PHACTR2: variants seen among roughly 807,000 people sequenced by gnomAD.
PHACTR2 encodes the protein phosphatase and actin regulator 2, also known as chromosome 6 open reading frame 56.
PHACTR2 carries 30 observed loss-of-function variants against 76.0 expected under a neutral mutation model. The observed-to-expected ratio is 0.39, with a 90% CI of 0.30 to 0.54. The LOEUF (loss-of-function observed/expected upper bound fraction) is 0.54, where lower values mean the gene tolerates loss of function less well. PHACTR2 is among the 20% of genes least tolerant of loss of function. The pLI, the probability that PHACTR2 is intolerant of heterozygous loss-of-function variation, is 0.61. For missense variants in PHACTR2, 696 were observed against 781.1 expected (o/e 0.89, Z 1.30); for synonymous variants, 292 against 292.5 (o/e 1.00, Z 0.02).
At position 143,753,706 on chromosome 6, in the gene PHACTR2, T is replaced by G. The variant is rs776107238; in HGVS notation, c.296-48T>G. On this transcript the variant is annotated intron_variant, in intron 3 of 12. Coordinates refer to ENST00000440869, the MANE Select transcript of PHACTR2 (RefSeq NM_001100164.2). This position sits in a 1 kb window ranked among gnomAD's most constrained non-coding sequence, Gnocchi z 4.6. ...TCCTAGTAACTGGAAAACTTGTTTT[T>G]AAGAAAGCCAGCAAGTTAGACATCT... The G allele has an allele frequency of 3.5e-6, 5 of 1,442,458 alleles. No individual in the cohort carries two copies. Among genetic ancestry groups the G allele is most frequent in the Non-Finnish European group, 4.7e-6 (5 of 1,064,432 alleles). 89.4% of individuals were successfully genotyped at this position (1,442,458 alleles called of 1,614,324 possible). A position where few individuals can be genotyped will look rare whatever the true frequency, so the allele number is the denominator to read the frequency against.
chr6:143,625,418 T>C lies in PHACTR2; in HGVS notation c.13+17096T>C, dbSNP rs1409225314. ...TATTAGTTATTTATAACTTAATCTT[T>C]ATAAGCAAATATTATTTATAACTTA... On this transcript the variant is annotated intron_variant, in intron 1 of 11. Coordinates refer to the PHACTR2 transcript ENST00000305766. The surrounding 1 kb of genome is among the most constrained non-coding windows in gnomAD (Gnocchi z 4.3). Among the ~76,000 whole-genome samples the C allele has an allele frequency of 6.6e-6, 1 of 152,188 alleles. No individual in the cohort carries two copies. Among genetic ancestry groups the C allele is most frequent in the Non-Finnish European group, 1.5e-5 (1 of 68,026 alleles).
rs987009693 is a variant in PHACTR2, at chr6:143,777,913, T to A, written c.1645+530T>A. Among the ~76,000 whole-genome samples the A allele has an allele frequency of 1.3e-5, 2 of 152,250 alleles. No individual in the cohort carries two copies. Among genetic ancestry groups the A allele is most frequent in the African/African-American group, 4.8e-5 (2 of 41,468 alleles). ...ATAATTTCTCAGCACTAAAACGTTC[T>A]CCATTCATTTTCCTACTTTATTTTC... On this transcript the variant is annotated intron_variant, in intron 9 of 12. Transcript: ENST00000440869. This position sits in a 1 kb window ranked among gnomAD's most constrained non-coding sequence, Gnocchi z 4.6.
Position 143,683,147 on chromosome 6 carries a change from C to T in PHACTR2, c.46+4938C>T, listed in dbSNP as rs1235893648. ...CTAAGTACAGGCTAAAACGATATGC[C>T]CTCAAATAGGATGGTTTCGGTACCC... is the stretch of plus-strand genomic sequence containing the variant. On this transcript the variant is annotated intron_variant, in intron 1 of 12. Coordinates refer to ENST00000440869, the MANE Select transcript of PHACTR2 (RefSeq NM_001100164.2). The surrounding 1 kb of genome is among the most constrained non-coding windows in gnomAD (Gnocchi z 4.1). Among the ~76,000 whole-genome samples, 1 of 152,102 alleles carries T rather than the reference C, an allele frequency of 6.6e-6. No homozygotes were observed. Among genetic ancestry groups the T allele is most frequent in the African/African-American group, 2.4e-5 (1 of 41,396 alleles).
Position 143,576,199 on chromosome 6 carries a change from C to G in PHACTR2, c.217+38992C>G, listed in dbSNP as rs1043576585. ...TAGAATTTGCGATCCAAGCCTGAAT[C>G]CTTTAATTACCTTTGAGTTATATAA... is the stretch of plus-strand genomic sequence containing the variant. On this transcript the variant is annotated intron_variant, in intron 1 of 11. Transcript: ENST00000367584. Among the ~76,000 whole-genome samples, 7 of 152,204 alleles carry G rather than the reference C, an allele frequency of 4.6e-5. 1 individual carries two copies. Among genetic ancestry groups the G allele is most frequent in the Non-Finnish European group, 1.5e-5 (1 of 68,038 alleles).
Position 143,794,658 on chromosome 6 carries a change from G to A in PHACTR2, c.1845+5748G>A, listed in dbSNP as rs1346209291. ...AAAATACAAAAATTAGCTGTGCATG[G>A]TGGCTCCTGCCTGTAGTCCCAGCTG... On this transcript the variant is annotated intron_variant, in intron 11 of 12. Transcript: ENST00000440869. This position sits in a 1 kb window ranked among gnomAD's most constrained non-coding sequence, Gnocchi z 4.1. Among the ~76,000 whole-genome samples, 1 of 152,082 alleles carries A rather than the reference G, an allele frequency of 6.6e-6. No homozygotes were observed. Among genetic ancestry groups the A allele is most frequent in the African/African-American group, 2.4e-5 (1 of 41,406 alleles).
Position 143,618,287 on chromosome 6 carries a change from G to GCGCA in PHACTR2, c.13+9966_13+9967insGCAC, listed in dbSNP as rs1554215164. On this transcript the variant is annotated intron_variant, in intron 1 of 11. Coordinates refer to the PHACTR2 transcript ENST00000305766. This position sits in a 1 kb window ranked among gnomAD's most constrained non-coding sequence, Gnocchi z 5.2. Reference sequence around the variant, plus strand: ...CACACACACACACACACACACACACGCACACTCCAGAATGAGTTTCAGATC... The same window carrying GCGCA: ...CACACACACACACACACACACACACGCGCACACACTCCAGAATGAGTTTCAGATC... 1.5e-5 allele frequency among the ~76,000 whole-genome samples: 2 copies of GCGCA among 133,692 alleles called. No individual in the cohort carries two copies. The highest frequency in any genetic ancestry group is 3.2e-5 in the Non-Finnish European group (2 of 61,612). 87.7% of individuals were successfully genotyped at this position (133,692 alleles called of 152,430 possible).
In PHACTR2 at chr6:143,765,528, C is replaced by T. The variant is rs200977430; in HGVS notation, c.962C>T (p.Pro321Leu). Residue 321 changes from proline (P) to leucine (L), a missense_variant, in exon 6 of 13, where the codon CCT becomes CTT. Physicochemically the swap from Pro to Leu is moderately conservative, Grantham distance 98 (BLOSUM62 -3). Transcript: ENST00000440869. This position sits in a 1 kb window ranked among gnomAD's most constrained non-coding sequence, Gnocchi z 4.1. ...VESFKLEQTV[P>L]GAEEQNTGKF... ...AGTTTCAAACTCGAACAGACTGTCCCTGGAGCTGAGGAGCAGAACACAGGC... is the reference window on the plus strand; with the variant it reads ...AGTTTCAAACTCGAACAGACTGTCCTTGGAGCTGAGGAGCAGAACACAGGC... The T allele has an allele frequency of 8.4e-5, 135 of 1,614,202 alleles. No homozygotes were observed. The African/African-American group carries it at 1.6e-3, about 19-fold the overall frequency.
chr6:143,563,370 C>T (rs1389078024), intron 1 of PHACTR2, among the ~76,000 whole-genome samples: 1 of 147,864 alleles, frequency 6.8e-6, no homozygotes, highest in Non-Finnish European at 1.5e-5. Flanking sequence ...CGAGACCATC[C>T]TTGCGAACAT....
rs1781133361 is a variant in PHACTR2, at chr6:143,537,888, C to A, written c.217+681C>A. ...TGGGAGGCCCAAGGCCGGCCGATCA[C>A]TTGAGGTCAAAAGTTCGAGACCGGC... On this transcript the variant is annotated intron_variant, in intron 1 of 11. Transcript: ENST00000367584. The surrounding 1 kb of genome is among the most constrained non-coding windows in gnomAD (Gnocchi z 4.4). 6.6e-6 allele frequency among the ~76,000 whole-genome samples: 1 copy of A among 152,216 alleles called. No individual in the cohort carries two copies. The highest frequency in any genetic ancestry group is 6.5e-5 in the Admixed American group (1 of 15,290).
rs1002658510 is a variant in PHACTR2 at position 143,739,479 on chromosome 6, G to C, written c.215-9506G>C. Reference sequence around the variant, plus strand: ...ATTTCAAACATTGGTCCCCTCTGTGGTGTCACTGTGTCTTAGGTTTACCAT... The same window carrying C: ...ATTTCAAACATTGGTCCCCTCTGTGCTGTCACTGTGTCTTAGGTTTACCAT... On this transcript the variant is annotated intron_variant, in intron 2 of 12. Coordinates refer to ENST00000440869, the MANE Select transcript of PHACTR2 (RefSeq NM_001100164.2). This position sits in a 1 kb window ranked among gnomAD's most constrained non-coding sequence, Gnocchi z 4.3. 1.3e-5 allele frequency among the ~76,000 whole-genome samples: 2 copies of C among 152,186 alleles called. No individual in the cohort carries two copies. Among genetic ancestry groups the C allele is most frequent in the African/African-American group, 4.8e-5 (2 of 41,428 alleles).
chr6:143,649,844 G>A (rs1365038874), intron 1 of PHACTR2, among the ~76,000 whole-genome samples: 1 of 152,146 alleles, frequency 6.6e-6, no homozygotes, highest in Non-Finnish European at 1.5e-5. Flanking sequence ...TCTGGTCAGG[G>A]CAATCAGGCA....
chr6:143,692,124 G>A (rs151118975), intron 1 of PHACTR2, among the ~76,000 whole-genome samples: 12 of 152,260 alleles, frequency 7.9e-5, no homozygotes, highest in African/African-American at 2.9e-4. Context: ...AGGTGTTTCA[G>A]GGTGTGCTGA....
chr6:143,764,364 C>T lies in PHACTR2; in HGVS notation c.695-897C>T, dbSNP rs1779505792. On this transcript the variant is annotated intron_variant, in intron 5 of 12. Coordinates refer to ENST00000440869, the MANE Select transcript of PHACTR2 (RefSeq NM_001100164.2). The surrounding 1 kb of genome is among the most constrained non-coding windows in gnomAD (Gnocchi z 4.7). The stretch of plus-strand genomic sequence containing the variant: ...ACAAAACCCTGTCTCAACAAAAATA[C>T]ATTAAAGTTAGCCAGGCATGGTGGT... Among the ~76,000 whole-genome samples the T allele has an allele frequency of 6.6e-6, 1 of 151,906 alleles. No homozygotes were observed. Among genetic ancestry groups the T allele is most frequent in the African/African-American group, 2.4e-5 (1 of 41,338 alleles).
At chr6:143,632,274 T>C (rs1776375368) in intron 1 of PHACTR2, among the ~76,000 whole-genome samples, 5 of 152,216 alleles carry the variant, frequency 3.3e-5, no homozygotes, top group Admixed American at 2.6e-4. Context: ...CTGCTTCTAT[T>C]TGGGGAAGAA....
intron 1 of PHACTR2, among the ~76,000 whole-genome samples, chr6:143,551,490 A>G (rs981503347): frequency 3.3e-5 from 5 of 152,164 alleles, no homozygotes; most frequent in Admixed American, 1.3e-4. Context: ...TTCATTTCTC[A>G]GTGTCTGTTG....
intron 1 of PHACTR2, among the ~76,000 whole-genome samples, chr6:143,567,585 G>C (rs1401472039): frequency 1.3e-5 from 2 of 152,180 alleles, no homozygotes; most frequent in Non-Finnish European, 2.9e-5. Flanking sequence ...TTTTAATAGA[G>C]ACAGGGTTTC....
chr6:143,626,872 C>G (rs936019010), intron 1 of PHACTR2, among the ~76,000 whole-genome samples: 5 of 152,150 alleles, frequency 3.3e-5, no homozygotes, highest in African/African-American at 1.2e-4. Flanking sequence ...TCACATTGAG[C>G]AGGTATATAT....
Position 143,548,626 on chromosome 6 carries a change from A to T in PHACTR2, c.217+11419A>T, listed in dbSNP as rs893411021. Among the ~76,000 whole-genome samples, 1 of 152,038 alleles carries T rather than the reference A, an allele frequency of 6.6e-6. No individual in the cohort carries two copies. Among genetic ancestry groups the T allele is most frequent in the Non-Finnish European group, 1.5e-5 (1 of 67,976 alleles). On this transcript the variant is annotated intron_variant, in intron 1 of 11. Coordinates refer to the PHACTR2 transcript ENST00000367584. This position sits in a 1 kb window ranked among gnomAD's most constrained non-coding sequence, Gnocchi z 4.5. ...AGAGACCACTGGGGTGTATTCTTGC[A>T]GGTGTGGAGAGCACAGTTCCTCGAT...
At position 143,565,876 on chromosome 6, in the gene PHACTR2, G is replaced by A. The variant is rs571075063; in HGVS notation, c.217+28669G>A. ...ACTTTGGGCGGGAAGGGGAGTCTGC[G>A]CAGGGTCCTGAGCAGAGGAGTGAAC... On this transcript the variant is annotated intron_variant, in intron 1 of 11. Coordinates refer to the PHACTR2 transcript ENST00000367584. Among the ~76,000 whole-genome samples the A allele has an allele frequency of 5.3e-5, 8 of 152,220 alleles. No homozygotes were observed. In the South Asian group the frequency reaches 6.2e-4, roughly 12 times the overall value.
Sources: allele counts gnomAD v4.1 joint callset (sites outside exome capture counted in the v4.1 genomes callset), GRCh38; gene constraint gnomAD v4.1.1; non-coding constraint Gnocchi (gnomAD v3.1); transcripts MANE v1.5; gene names NCBI Gene and HGNC (gene_info 2026-07-23, HGNC 2026-07-21).